ZNF827: variants seen among roughly 807,000 people sequenced by gnomAD.
ZNF827 encodes the protein zinc finger protein 827.
In ZNF827, 13 loss-of-function variants were observed where a neutral mutation model predicts 102.4. The observed-to-expected ratio is 0.13, with a 90% CI of 0.08 to 0.20. The LOEUF is 0.20. ZNF827 is among the 10% of genes least tolerant of loss of function. ZNF827 has a pLI of 1.00. For missense variants in ZNF827, 1,103 were observed against 1,344.4 expected (o/e 0.82, Z 2.81); for synonymous variants, 523 against 536.2 (o/e 0.98, Z 0.34).
chr4:145,857,568 T>C (rs1747273466), intron 5 of ZNF827, among the ~76,000 whole-genome samples: 1 of 152,242 alleles, frequency 6.6e-6, no homozygotes, highest in Admixed American at 6.5e-5. Context: ...GTTTTCAACT[T>C]GATTCTGGTG....
At chr4:145,802,956 G>A (rs1741059824) in intron 8 of ZNF827, among the ~76,000 whole-genome samples, 1 of 152,060 alleles carries the variant, frequency 6.6e-6, no homozygotes, top group South Asian at 2.1e-4. Context: ...ATAAAAGAGT[G>A]AAATAAAATA....
At chr4:145,821,560 C>CA (rs947365318) in intron 8 of ZNF827, among the ~76,000 whole-genome samples, 16 of 151,444 alleles carry the variant, frequency 1.1e-4, no homozygotes, top group African/African-American at 3.6e-4. Flanking sequence ...CTTATTAAAA[C>CA]AAAAAAAGTC....
chr4:145,860,922 C>T (rs1747661055), intron 5 of ZNF827, among the ~76,000 whole-genome samples: 3 of 152,202 alleles, frequency 2.0e-5, no homozygotes, highest in Admixed American at 1.3e-4. Context: ...TGGACACTCC[C>T]CTGCCCAATG....
chr4:145,888,912 G>T (rs1750358935), intron 3 of ZNF827, among the ~76,000 whole-genome samples: 1 of 152,300 alleles, frequency 6.6e-6, no homozygotes, highest in South Asian at 2.1e-4. Context: ...TATTATGAAG[G>T]AAAGGTGGGC....
intron 1 of ZNF827, among the ~76,000 whole-genome samples, chr4:145,930,814 C>T (rs368604975): frequency 1.3e-5 from 2 of 152,180 alleles, no homozygotes; most frequent in African/African-American, 4.8e-5. Context: ...AAATTAGCTA[C>T]AGTGCAGCCT....
chr4:145,872,075 C>A (rs1748736491), intron 4 of ZNF827, among the ~76,000 whole-genome samples: 1 of 152,198 alleles, frequency 6.6e-6, no homozygotes, highest in Non-Finnish European at 1.5e-5. Flanking sequence ...TAATCACCAC[C>A]TTCACAGTCC....
intron 1 of ZNF827, among the ~76,000 whole-genome samples, chr4:145,921,078 G>A (rs1034124667): frequency 5.3e-5 from 8 of 152,220 alleles, no homozygotes; most frequent in African/African-American, 1.9e-4. Context: ...TGCAGGAGGG[G>A]AAGCAGGAAA....
intron 8 of ZNF827, among the ~76,000 whole-genome samples, chr4:145,821,611 G>T (rs1743153243): frequency 1.3e-5 from 2 of 151,722 alleles, no homozygotes; most frequent in Non-Finnish European, 2.9e-5. Context: ...TGTAAATGTA[G>T]TCATTTTGCT....
At chr4:145,834,116 C>T (rs1178204053) in intron 7 of ZNF827, among the ~76,000 whole-genome samples, 6 of 152,232 alleles carry the variant, frequency 3.9e-5, no homozygotes, top group Admixed American at 2.0e-4. Context: ...TCTGCAATGC[C>T]GCTTGACCCC....
chr4:145,903,151 A>G lies in ZNF827; in HGVS notation c.108T>C (p.Ser36=), dbSNP rs1445430078. Reference sequence around the variant, plus strand: ...AGGATGCTTCTGACGGAGTCTCTGAAGAGTTTCCATACCAGTGTTCTCCTT... The same window carrying G: ...AGGATGCTTCTGACGGAGTCTCTGAGGAGTTTCCATACCAGTGTTCTCCTT... ...LSEGEHWYGN[S]SETPSEASYG... is the part of the protein sequence containing the mutation. The change falls in exon 2 of 15, where the codon TCT becomes TCC. Residue 36 remains serine (S), a synonymous_variant. Coordinates refer to ENST00000508784, the MANE Select transcript of ZNF827 (RefSeq NM_001306215.2). 6.2e-7 allele frequency: 1 copy of G among 1,614,056 alleles called. No homozygotes were observed. The highest frequency in any genetic ancestry group is 1.3e-5 in the African/African-American group (1 of 74,926).
intron 8 of ZNF827, among the ~76,000 whole-genome samples, chr4:145,797,852 C>T (rs1740521019): frequency 6.6e-6 from 1 of 152,206 alleles, no homozygotes; most frequent in Non-Finnish European, 1.5e-5. Flanking sequence ...TGAGTGCTTA[C>T]ATTTTTAGCC....
chr4:145,787,041 C>T (rs926707344), intron 8 of ZNF827, among the ~76,000 whole-genome samples: 1 of 152,218 alleles, frequency 6.6e-6, no homozygotes, highest in African/African-American at 2.4e-5. Flanking sequence ...ACTTACTAGG[C>T]TCCCTATGAC....
chr4:145,869,935 C>T (rs1748535559), intron 5 of ZNF827, among the ~76,000 whole-genome samples: 1 of 152,104 alleles, frequency 6.6e-6, no homozygotes, highest in Non-Finnish European at 1.5e-5. Flanking sequence ...AGCAGAAGAC[C>T]TTTGAACATC....
intron 8 of ZNF827, among the ~76,000 whole-genome samples, chr4:145,785,468 T>C (rs1738712835): frequency 6.6e-6 from 1 of 152,130 alleles, no homozygotes; most frequent in Non-Finnish European, 1.5e-5. Flanking sequence ...TATCTTCAGA[T>C]CCAATTTGTT....
intron 8 of ZNF827, among the ~76,000 whole-genome samples, chr4:145,784,590 T>C (rs1047523741): frequency 1.3e-5 from 2 of 152,192 alleles, no homozygotes; most frequent in African/African-American, 4.8e-5. Flanking sequence ...AAAACTTCTT[T>C]TAGATTACTC....
chr4:145,785,556 A>G (rs1738729115), intron 8 of ZNF827, among the ~76,000 whole-genome samples: 1 of 152,136 alleles, frequency 6.6e-6, no homozygotes, highest in African/African-American at 2.4e-5. Flanking sequence ...CTGTTGCCCA[A>G]GGTTGGGCAA....
At chr4:145,825,440 C>T (rs896480682) in intron 7 of ZNF827, among the ~76,000 whole-genome samples, 31 of 152,318 alleles carry the variant, frequency 2.0e-4, no homozygotes, top group Middle Eastern at 3.4e-3. Flanking sequence ...GCAGGCAGTG[C>T]GGCCTGGGGG....
At chr4:145,924,577 G>A (rs1226310304) in intron 1 of ZNF827, among the ~76,000 whole-genome samples, 1 of 152,130 alleles carries the variant, frequency 6.6e-6, no homozygotes, top group African/African-American at 2.4e-5. Flanking sequence ...TCTCCCAACA[G>A]CCCCTTCAGG....
intron 7 of ZNF827, among the ~76,000 whole-genome samples, chr4:145,829,881 T>TCCAAAATCACTGAGC (rs141077352): frequency 0.018 from 2,714 of 152,336 alleles, 75 homozygotes; most frequent in African/African-American, 0.062. Flanking sequence ...CACAGATGTG[T>TCCAAAATCACTGAGC]CAGTATTTTA....
Sources: allele counts gnomAD v4.1 joint callset (sites outside exome capture counted in the v4.1 genomes callset), GRCh38; gene constraint gnomAD v4.1.1; transcripts MANE v1.5; gene names NCBI Gene and HGNC (gene_info 2026-07-23, HGNC 2026-07-21).